The following AADAT variants were observed in gnomAD, a reference collection of about 807,000 sequenced individuals.
AADAT encodes the protein aminoadipate aminotransferase, also known as kynurenine/alpha-aminoadipate aminotransferase, mitochondrial.
A neutral mutation model predicts 56.2 loss-of-function variants in AADAT; 25 were observed. The ratio of observed to expected loss-of-function variants is 0.44; its 90% CI spans 0.32 to 0.62. The LOEUF (loss-of-function observed/expected upper bound fraction) is 0.62, where lower values mean the gene tolerates loss of function less well. Among genes scored for constraint, AADAT ranks in the 20% least tolerant of loss-of-function variants. AADAT has a pLI of 0.04. For missense variants in AADAT, 387 were observed against 510.5 expected, an observed-to-expected ratio of 0.76 and a Z score of 2.33; for synonymous variants, 173 against 164.7, an observed-to-expected ratio of 1.05 and a Z score of -0.39.
At chr4:170,091,465 G>A (rs1337866388), upstream of AADAT, 4 of 154,022 alleles carry the variant, frequency 2.6e-5, no homozygotes, top group East Asian at 1.9e-4. Context: ...CTGCCTCCCA[G>A]CGGGGTGGGA....
chr4:170,061,662 A>T (rs905495873), intron 12 of AADAT, among the ~76,000 whole-genome samples: 3 of 152,226 alleles, frequency 2.0e-5, no homozygotes, highest in Non-Finnish European at 4.4e-5. Context: ...GTTGTGATAC[A>T]TTATTCATGC....
At chr4:170,080,115 G>A (rs1732220929) in intron 3 of AADAT, among the ~76,000 whole-genome samples, 2 of 152,218 alleles carry the variant, frequency 1.3e-5, no homozygotes, top group South Asian at 4.1e-4. Flanking sequence ...CAAAATGGTG[G>A]TGTAGAAGCA....
At chr4:170,062,072 G>C (rs183344666) in intron 11 of AADAT, 79 bp from the exon 12 acceptor site, 1 of 876,286 alleles carries the variant, frequency 1.1e-6, no homozygotes, top group Non-Finnish European at 1.7e-6. Context: ...TAATCTCAGA[G>C]TAGGGAAGGA....
intron 3 of AADAT, among the ~76,000 whole-genome samples, chr4:170,079,896 T>C (rs1232289578): frequency 6.6e-6 from 1 of 152,148 alleles, no homozygotes; most frequent in Non-Finnish European, 1.5e-5. Flanking sequence ...ATCATGTGAA[T>C]GTAAATGAAG....
At position 170,061,911 on chromosome 4, in the gene AADAT, G is replaced by A; in HGVS notation, c.1217C>T (p.Ser406Phe). ...PYLRASFSSA[S>F]PEQMDVAFQV... Reference sequence around the variant, plus strand: ...ACTCACCACATCCATCTGTTCTGGAGAAGCTGAAGAGAAGGATGCTCTCAA... The same window carrying A: ...ACTCACCACATCCATCTGTTCTGGAAAAGCTGAAGAGAAGGATGCTCTCAA... Residue 406 changes from serine (S) to phenylalanine (F), a missense_variant, in exon 12 of 13, where the codon TCT becomes TTT. Ser to Phe is a radical substitution (Grantham distance 155). Transcript: ENST00000337664. 6.2e-7 allele frequency: 1 copy of A among 1,612,850 alleles called. No individual in the cohort carries two copies. The highest frequency in any genetic ancestry group is 8.5e-7 in the Non-Finnish European group (1 of 1,179,166).
intron 4 of AADAT, among the ~76,000 whole-genome samples, chr4:170,074,085 T>C (rs539105783): frequency 6.6e-4 from 100 of 152,312 alleles, no homozygotes; most frequent in African/African-American, 2.1e-3. Flanking sequence ...TCCAGCAGTC[T>C]TGTAGTGGAT....
intron 4 of AADAT, among the ~76,000 whole-genome samples, chr4:170,075,050 T>TA (rs1280494373): frequency 6.6e-6 from 1 of 152,220 alleles, no homozygotes; most frequent in African/African-American, 2.4e-5. Context: ...CTACCATGAA[T>TA]AAAGCAAATC....
upstream of AADAT, among the ~76,000 whole-genome samples, chr4:170,093,338 G>A (rs1732922550): frequency 6.6e-6 from 1 of 152,100 alleles, no homozygotes; most frequent in South Asian, 2.1e-4. Context: ...GCTGAGGCAT[G>A]AGCATTTTTC....
chr4:170,088,217 C>T (rs886338775), intron 2 of AADAT, among the ~76,000 whole-genome samples, 179 bp downstream of exon 2: 1 of 151,968 alleles, frequency 6.6e-6, no homozygotes, highest in Admixed American at 6.5e-5. Context: ...CCATTGAATA[C>T]TCATTTGGTT....
chr4:170,076,185 T>C (rs1732025028), intron 4 of AADAT, among the ~76,000 whole-genome samples: 3 of 152,318 alleles, frequency 2.0e-5, no homozygotes, highest in Admixed American at 6.5e-5. Flanking sequence ...ACAGTGGCCA[T>C]ACCATTTTAC....
chr4:170,092,615 A>T (rs1007745699), upstream of AADAT, among the ~76,000 whole-genome samples: 6 of 152,248 alleles, frequency 3.9e-5, no homozygotes, highest in Non-Finnish European at 5.9e-5. Context: ...CCCACGAGGC[A>T]AAATGCTTCT....
At chr4:170,087,668 T>C (rs1732630085) in intron 2 of AADAT, among the ~76,000 whole-genome samples, 1 of 152,170 alleles carries the variant, frequency 6.6e-6, no homozygotes, top group African/African-American at 2.4e-5. Context: ...ACATATTACA[T>C]AACTAACACA....
intron 3 of AADAT, among the ~76,000 whole-genome samples, chr4:170,084,131 G>A (rs1732442370): frequency 6.6e-6 from 1 of 152,110 alleles, no homozygotes; most frequent in Admixed American, 6.5e-5. Context: ...AATAAGCCAA[G>A]TATAGAAACA....
chr4:170,080,933 C>T (rs1732268780), intron 3 of AADAT, among the ~76,000 whole-genome samples: 2 of 152,104 alleles, frequency 1.3e-5, no homozygotes, highest in Admixed American at 1.3e-4. Context: ...AAACCATGAC[C>T]TCCCCAAAAT....
In AADAT at chr4:170,061,973, A is replaced by G; in HGVS notation, c.1155T>C (p.Asn385=). 6.2e-7 allele frequency: 1 copy of G among 1,612,622 alleles called. No individual in the cohort carries two copies. Among genetic ancestry groups the G allele is most frequent in the Non-Finnish European group, 8.5e-7 (1 of 1,179,040 alleles). ...VKMGVLMLPG[N]AFYVDSSAPS... ...GAGCTGAGCTATCGACGTAGAAAGC[A>G]TTTCCAGGGAGCATTAATACCTAAG... is the stretch of plus-strand genomic sequence containing the variant. The change falls in exon 12 of 13, where the codon AAT becomes AAC. Residue 385 remains asparagine, a synonymous_variant. Transcript: ENST00000337664.
chr4:170,066,314 T>G, intron 10 of AADAT, 100 bp downstream of exon 10: 1 of 1,036,714 alleles, frequency 9.6e-7, no homozygotes, highest in Non-Finnish European at 1.5e-6. Flanking sequence ...ACTCCTGGAC[T>G]GTTTCTTTTC....
At chr4:170,064,943 C>T in intron 10 of AADAT, 118 bp from the exon 11 acceptor site, 1 of 772,232 alleles carries the variant, frequency 1.3e-6, no homozygotes, top group East Asian at 3.2e-5. Flanking sequence ...TAAAAAAGTT[C>T]CTTCAATTAT....
chr4:170,075,706 C>A (rs1434839299), intron 4 of AADAT, among the ~76,000 whole-genome samples: 8 of 152,164 alleles, frequency 5.3e-5, no homozygotes, highest in Admixed American at 3.9e-4. Context: ...TTTTTCCTCA[C>A]CCCAAATAGA....
In AADAT at chr4:170,087,044, T is replaced by G. The variant is rs1376491362; in HGVS notation, c.369+72A>C. 6.4e-6 allele frequency: 10 copies of G among 1,554,732 alleles called. No homozygotes were observed. In the African/African-American group the frequency reaches 1.1e-4, roughly 17 times the overall value. On this transcript the variant is annotated intron_variant, in intron 3 of 12. Transcript: ENST00000337664. ...TCCATAAAATATAATTCTCTGTGGT[T>G]AAGTGCGAGAGGACTATAGAAATGA...
Sources: allele counts gnomAD v4.1 joint callset (sites outside exome capture counted in the v4.1 genomes callset), GRCh38; gene constraint gnomAD v4.1.1; transcripts MANE v1.5; gene names NCBI Gene and HGNC (gene_info 2026-07-23, HGNC 2026-07-21).